The following SMAP1 variants were observed in gnomAD, a reference collection of about 807,000 sequenced individuals.
SMAP1 encodes the protein stromal membrane-associated protein 1.
A neutral mutation model predicts 58.5 loss-of-function variants in SMAP1; 24 were observed. That is an observed-to-expected ratio of 0.41 (90% CI 0.30 to 0.58). SMAP1 has a LOEUF of 0.58. Among genes scored for constraint, SMAP1 ranks in the 20% least tolerant of loss-of-function variants. The pLI is 0.29. For synonymous variants in SMAP1, 216 were observed against 196.6 expected (o/e 1.10, Z -0.82); for missense variants, 563 against 566.3 (o/e 0.99, Z 0.06).
At chr6:70,775,082 G>A (rs1051216574) in intron 4 of SMAP1, among the ~76,000 whole-genome samples, 21 of 152,000 alleles carry the variant, frequency 1.4e-4, no homozygotes, top group Non-Finnish European at 3.1e-4. Flanking sequence ...CTTGTGTGTA[G>A]CATTGGAGCT....
chr6:70,785,200 A>G (rs559165976), intron 4 of SMAP1, among the ~76,000 whole-genome samples: 3 of 152,350 alleles, frequency 2.0e-5, no homozygotes, highest in Non-Finnish European at 4.4e-5. Flanking sequence ...CTCCTGAATG[A>G]CTACTGGGTA....
At chr6:70,745,140 G>A (rs1222984559) in intron 2 of SMAP1, among the ~76,000 whole-genome samples, 1 of 152,112 alleles carries the variant, frequency 6.6e-6, no homozygotes, top group Non-Finnish European at 1.5e-5. Context: ...TCACTCTGAT[G>A]GTAGTTTCTT....
At chr6:70,701,526 A>G (rs562020458) in intron 1 of SMAP1, among the ~76,000 whole-genome samples, 82 of 152,244 alleles carry the variant, frequency 5.4e-4, no homozygotes, top group Non-Finnish European at 1.0e-3. Context: ...ACTAGCCAGA[A>G]CTCAGGTTCT....
intron 3 of SMAP1, among the ~76,000 whole-genome samples, chr6:70,771,368 G>C (rs1582152940): frequency 9.2e-6 from 1 of 108,210 alleles, no homozygotes; most frequent in South Asian, 3.0e-4. Flanking sequence ...AGCCTACAGA[G>C]GCCGGCAGGC....
chr6:70,850,833 A>G (rs1003616720), intron 7 of SMAP1, among the ~76,000 whole-genome samples: 2 of 152,156 alleles, frequency 1.3e-5, no homozygotes, highest in Non-Finnish European at 2.9e-5. Flanking sequence ...ATAATGTACT[A>G]TACATCATGT....
chr6:70,859,329 A>G (rs745730819), intron 10 of SMAP1: 1 of 1,546,832 alleles, frequency 6.5e-7, no homozygotes. Context: ...TTACTTCCAG[A>G]TAATGCAGAA....
intron 6 of SMAP1, among the ~76,000 whole-genome samples, chr6:70,812,466 C>T (rs1412372971): frequency 1.3e-5 from 2 of 152,120 alleles, no homozygotes; most frequent in African/African-American, 4.8e-5. Context: ...AAACCATTGG[C>T]CTGTAGCCGT....
At chr6:70,828,869 C>T (rs10945263) in intron 6 of SMAP1, among the ~76,000 whole-genome samples, 64,409 of 151,880 alleles carry the variant, frequency 0.42, 14,128 homozygotes, top group South Asian at 0.5. Flanking sequence ...GAGGCTCTGT[C>T]TCAAACCCCA....
intron 1 of SMAP1, among the ~76,000 whole-genome samples, chr6:70,731,373 G>A (rs117164358): frequency 0.023 from 3,574 of 152,248 alleles, 52 homozygotes; most frequent in Non-Finnish European, 0.037. Context: ...TTTTGGCAGT[G>A]TTTTTCAGAA....
At chr6:70,808,000 TTAAAG>T (rs1324081607) in intron 6 of SMAP1, among the ~76,000 whole-genome samples, 1 of 151,554 alleles carries the variant, frequency 6.6e-6, no homozygotes, top group Non-Finnish European at 1.5e-5. Context: ...GAATATATTC[TTAAAG>T]TAAGCTAGAG....
At chr6:70,824,495 G>A (rs756906226) in intron 6 of SMAP1, among the ~76,000 whole-genome samples, 1 of 151,906 alleles carries the variant, frequency 6.6e-6, no homozygotes, top group South Asian at 2.1e-4. Flanking sequence ...ACTTATGAAG[G>A]TATGTTTTTG....
intron 3 of SMAP1, among the ~76,000 whole-genome samples, chr6:70,760,250 A>C (rs191622505): frequency 6.6e-6 from 1 of 152,182 alleles, no homozygotes; most frequent in Admixed American, 6.6e-5. Context: ...TGGATTAACT[A>C]TATATTTGCT....
At chr6:70,782,093 A>G (rs927501697) in intron 4 of SMAP1, among the ~76,000 whole-genome samples, 5 of 152,212 alleles carry the variant, frequency 3.3e-5, no homozygotes. Flanking sequence ...AAGTATGACT[A>G]CTGCATTCAC....
chr6:70,739,607 T>G (rs1475386677), intron 2 of SMAP1, among the ~76,000 whole-genome samples: 1 of 152,140 alleles, frequency 6.6e-6, no homozygotes, highest in Non-Finnish European at 1.5e-5. Flanking sequence ...TTTATATCTT[T>G]TTTTGTTTCA....
intron 3 of SMAP1, among the ~76,000 whole-genome samples, chr6:70,755,650 G>T (rs535066984): frequency 4.6e-5 from 7 of 152,098 alleles, no homozygotes; most frequent in African/African-American, 1.7e-4. Context: ...CCCATTGTAA[G>T]TTGAGGGGCA....
intron 6 of SMAP1, among the ~76,000 whole-genome samples, chr6:70,824,625 T>C (rs1770036728): frequency 6.6e-6 from 1 of 152,202 alleles, no homozygotes; most frequent in Non-Finnish European, 1.5e-5. Flanking sequence ...AACCCACATA[T>C]GGAATCAATG....
intron 6 of SMAP1, among the ~76,000 whole-genome samples, chr6:70,805,321 A>G (rs1769072564): frequency 6.6e-6 from 1 of 152,188 alleles, no homozygotes; most frequent in Non-Finnish European, 1.5e-5. Context: ...ATGCGTCACA[A>G]AGTTCTCGTG....
intron 1 of SMAP1, among the ~76,000 whole-genome samples, chr6:70,714,893 A>AT (rs900819013): frequency 6.7e-4 from 101 of 151,072 alleles, no homozygotes; most frequent in African/African-American, 9.7e-4. Flanking sequence ...TTGGCTGACA[A>AT]TTTTTTTTTC....
At chr6:70,841,589 C>A (rs1770810379) in intron 7 of SMAP1, among the ~76,000 whole-genome samples, 1 of 152,170 alleles carries the variant, frequency 6.6e-6, no homozygotes, top group Non-Finnish European at 1.5e-5. Context: ...TCTAAACATT[C>A]ATAACTTTTA....
Sources: allele counts gnomAD v4.1 joint callset (sites outside exome capture counted in the v4.1 genomes callset), GRCh38; gene constraint gnomAD v4.1.1; transcripts MANE v1.5; gene names NCBI Gene and HGNC (gene_info 2026-07-23, HGNC 2026-07-21).